RPSA2: variants seen among roughly 807,000 people sequenced by gnomAD.
RPSA2 encodes the protein small ribosomal subunit protein uS2B.
the RPSA2 span, among the ~76,000 whole-genome samples, chr19:23,803,244 A>G: frequency 6.6e-6 from 1 of 152,048 alleles, no homozygotes; most frequent in South Asian, 2.1e-4. Context: ...AGGTGTGGCC[A>G]TACTCTGGAG....
chr19:23,852,297 C>G, the RPSA2 span, among the ~76,000 whole-genome samples: 1 of 152,058 alleles, frequency 6.6e-6, no homozygotes, highest in Non-Finnish European at 1.5e-5. Context: ...CCTGCTGAGA[C>G]CAGCTCGGTT....
At chr19:23,765,844 C>T in the RPSA2 span, among the ~76,000 whole-genome samples, 2 of 152,086 alleles carry the variant, frequency 1.3e-5, no homozygotes, top group Admixed American at 1.3e-4. Context: ...TGTATGACAC[C>T]TATTATGTAT....
chr19:23,771,701 G>GAC, the RPSA2 span, among the ~76,000 whole-genome samples: 1 of 152,138 alleles, frequency 6.6e-6, no homozygotes, highest in Non-Finnish European at 1.5e-5. Flanking sequence ...CAGGTGATGT[G>GAC]ACTTTTCTCT....
the RPSA2 span, among the ~76,000 whole-genome samples, chr19:23,811,939 C>T: frequency 6.6e-6 from 1 of 152,100 alleles, no homozygotes; most frequent in South Asian, 2.1e-4. Flanking sequence ...ATTAGCATCT[C>T]CTGTTTATGA....
the RPSA2 span, chr19:23,809,515 A>G: frequency 6.6e-6 from 1 of 151,994 alleles, no homozygotes; most frequent in Non-Finnish European, 1.5e-5. Context: ...TTTTAAATTT[A>G]TTTGTGTCCT....
chr19:23,849,838 C>T, the RPSA2 span, among the ~76,000 whole-genome samples: 148,881 of 152,200 alleles, frequency 0.98, 72,906 homozygotes, highest in Middle Eastern at 1. Context: ...ATTAAAGTTT[C>T]AGATGGGCCC....
At chr19:23,778,277 A>G in the RPSA2 span, among the ~76,000 whole-genome samples, 1 of 152,156 alleles carries the variant, frequency 6.6e-6, no homozygotes, top group African/African-American at 2.4e-5. Context: ...CAATGGCGCA[A>G]TCTCGGCTAA....
the RPSA2 span, among the ~76,000 whole-genome samples, chr19:23,865,224 G>A: frequency 6.6e-6 from 1 of 152,170 alleles, no homozygotes; most frequent in African/African-American, 2.4e-5. Context: ...TCTGAATGAC[G>A]GTACCATGGG....
chr19:23,807,219 A>C, the RPSA2 span, among the ~76,000 whole-genome samples: 1 of 152,124 alleles, frequency 6.6e-6, no homozygotes, highest in Admixed American at 6.6e-5. Flanking sequence ...GGTAAATGAA[A>C]GCTCTCATCT....
At chr19:23,858,925 T>C in the RPSA2 span, among the ~76,000 whole-genome samples, 1 of 152,132 alleles carries the variant, frequency 6.6e-6, no homozygotes, top group South Asian at 2.1e-4. Context: ...AGCCAGTCTG[T>C]AAAATCCGCT....
chr19:23,817,019 T>C, the RPSA2 span, among the ~76,000 whole-genome samples: 2 of 7,792 alleles, frequency 2.6e-4, no homozygotes, highest in South Asian at 0.053. Flanking sequence ...ATTCAAACAA[T>C]ATACTTTAAT....
chr19:23,832,599 C>CATGAAT, the RPSA2 span: 1 of 1,281,180 alleles, frequency 7.8e-7, no homozygotes, highest in Non-Finnish European at 1.1e-6. Context: ...CCATACCTTA[C>CATGAAT]TACACATAAG....
the RPSA2 span, chr19:23,832,084 C>G: frequency 2.0e-5 from 9 of 455,676 alleles, no homozygotes; most frequent in Non-Finnish European, 3.5e-5. Flanking sequence ...AGCTTTTAAG[C>G]AACACTCAAC....
At chr19:23,816,847 T>C in the RPSA2 span, among the ~76,000 whole-genome samples, 2 of 152,144 alleles carry the variant, frequency 1.3e-5, no homozygotes, top group African/African-American at 2.4e-5. Flanking sequence ...ATGAGACTTA[T>C]TCACTATCAT....
the RPSA2 span, among the ~76,000 whole-genome samples, chr19:23,866,254 C>T: frequency 5.3e-5 from 8 of 152,170 alleles, no homozygotes; most frequent in South Asian, 2.1e-4. Flanking sequence ...CACAATTTAT[C>T]GCATGGCTGC....
the RPSA2 span, among the ~76,000 whole-genome samples, chr19:23,829,501 A>G: frequency 6.6e-6 from 1 of 152,128 alleles, no homozygotes; most frequent in African/African-American, 2.4e-5. Flanking sequence ...AGGTTTCTCC[A>G]TGTTGGTCAG....
chr19:23,869,977 A>G, the RPSA2 span, among the ~76,000 whole-genome samples: 5 of 152,226 alleles, frequency 3.3e-5, no homozygotes, highest in South Asian at 8.3e-4. Context: ...TGGTTATATC[A>G]CTGCATTAAT....
chr19:23,761,556 A>C, the RPSA2 span, among the ~76,000 whole-genome samples: 1 of 152,142 alleles, frequency 6.6e-6, no homozygotes, highest in Non-Finnish European at 1.5e-5. Flanking sequence ...TGCCCTGTAA[A>C]CTATCACTGT....
the RPSA2 span, among the ~76,000 whole-genome samples, chr19:23,821,419 A>G: frequency 2.1e-4 from 32 of 152,330 alleles, no homozygotes; most frequent in Admixed American, 2.0e-3. Flanking sequence ...GGCAGTCCTA[A>G]GGCTGGAGCC....
Sources: gnomAD v4.1 joint callset for allele counts (sites outside exome capture counted in the v4.1 genomes callset) on GRCh38, gnomAD v4.1.1 for gene constraint, MANE v1.5 for transcripts, NCBI Gene and HGNC (gene_info 2026-07-23, HGNC 2026-07-21) for gene names.